MYOZ2: variants seen among roughly 807,000 people sequenced by gnomAD.
The protein encoded by MYOZ2 is myozenin 2, also known as myozenin-2.
MYOZ2 carries 19 observed loss-of-function variants against 25.4 expected under a neutral mutation model. The ratio of observed to expected loss-of-function variants is 0.75; its 90% CI spans 0.52 to 1.10. The LOEUF (loss-of-function observed/expected upper bound fraction) is 1.10. Ranked by LOEUF, MYOZ2 falls within the 50% of genes least tolerant of loss-of-function variation. The pLI is 0.00. For synonymous variants in MYOZ2, 92 were observed against 106.9 expected (o/e 0.86, Z 0.86); for missense variants, 270 against 317.9 (o/e 0.85, Z 1.15).
intron 3 of MYOZ2, among the ~76,000 whole-genome samples, chr4:119,157,291 T>G (rs1313464543): frequency 1.3e-5 from 2 of 152,194 alleles, no homozygotes; most frequent in Non-Finnish European, 2.9e-5. Flanking sequence ...GCTATACTTT[T>G]GAGGACATAA....
intron 4 of MYOZ2, among the ~76,000 whole-genome samples, chr4:119,162,773 T>C (rs557978873): frequency 6.6e-6 from 1 of 152,278 alleles, no homozygotes; most frequent in African/African-American, 2.4e-5. Flanking sequence ...CACTTTGTGA[T>C]TTGTTGTGGG....
chr4:119,184,017 G>C (rs749470355), intron 5 of MYOZ2, among the ~76,000 whole-genome samples: 3 of 152,028 alleles, frequency 2.0e-5, no homozygotes, highest in Non-Finnish European at 1.5e-5. Context: ...GTTTCTCCAT[G>C]TTGGTCAGGC....
chr4:119,152,418 C>T (rs1333287820), intron 3 of MYOZ2, among the ~76,000 whole-genome samples: 2 of 152,054 alleles, frequency 1.3e-5, no homozygotes, highest in Non-Finnish European at 2.9e-5. Context: ...AAGTCATCTA[C>T]AAGTTTAGAC....
In MYOZ2 at chr4:119,150,963, G is replaced by A. The variant is rs1578729994; in HGVS notation, c.168G>A (p.Arg56=). 1.2e-6 allele frequency: 2 copies of A among 1,613,522 alleles called. No homozygotes were observed. The highest frequency in any genetic ancestry group is 1.3e-5 in the African/African-American group (1 of 74,866). The change falls in exon 3 of 6, where the codon AGG becomes AGA. Residue 56 remains arginine, a synonymous_variant. Transcript: ENST00000307128. ...ELSHLSNRGA[R]LFKMRQRRSD... ...CCCATCTCAGTAACCGTGGTGCCAG[G>A]CTATTTAAGATGCGTCAAAGAAGAT...
At chr4:119,160,253 A>G (rs1741675658) in intron 4 of MYOZ2, among the ~76,000 whole-genome samples, 1 of 152,130 alleles carries the variant, frequency 6.6e-6, no homozygotes. Context: ...CTTCTTATGC[A>G]ATAGAATACA....
At chr4:119,165,701 T>TC in intron 5 of MYOZ2, among the ~76,000 whole-genome samples, 1 of 151,862 alleles carries the variant, frequency 6.6e-6, no homozygotes, top group East Asian at 1.9e-4. Context: ...AATTTTTTTT[T>TC]CAAAATGAGA....
chr4:119,140,113 T>G (rs1429373149), intron 2 of MYOZ2, among the ~76,000 whole-genome samples: 3 of 152,192 alleles, frequency 2.0e-5, no homozygotes, highest in African/African-American at 7.2e-5. Flanking sequence ...ATACATCTAA[T>G]TATAAAATTC....
In MYOZ2 at chr4:119,154,999, G is replaced by C. The variant is rs539721787; in HGVS notation, c.247-3023G>C. 3.5e-4 allele frequency among the ~76,000 whole-genome samples: 53 copies of C among 152,110 alleles called. 1 individual carries two copies. The highest frequency in any genetic ancestry group is 1.3e-3 in the African/African-American group (52 of 41,508). ...CATGGTTCTGTGAGCTGTACAAGAA[G>C]CATGGCATCAGCACCTGCTTCTGGT... is the stretch of plus-strand genomic sequence containing the variant. On this transcript the variant is annotated intron_variant, in intron 3 of 5. Transcript: ENST00000307128.
At chr4:119,157,493 A>G (rs964420225) in intron 3 of MYOZ2, among the ~76,000 whole-genome samples, 4 of 152,198 alleles carry the variant, frequency 2.6e-5, no homozygotes, top group Non-Finnish European at 4.4e-5. Flanking sequence ...AACTTAAAAT[A>G]TAAATGATTT....
At chr4:119,163,883 T>A (rs1315299371) in intron 4 of MYOZ2, among the ~76,000 whole-genome samples, 1 of 152,152 alleles carries the variant, frequency 6.6e-6, no homozygotes, top group Admixed American at 6.5e-5. Context: ...TAAAGTCTAG[T>A]GTGAATTAAT....
chr4:119,158,151 G>C lies in MYOZ2; in HGVS notation c.376G>C (p.Gly126Arg). ...TCCAAATCCAGACAACATTGCTCCA[G>C]GTAACCAATCCCCTTACCAACAGAG... ...SPPNPDNIAPGYSGPLKEIPP... is the reference protein window; with the variant it reads ...SPPNPDNIAPRYSGPLKEIPP... The change falls in exon 4 of 6, where the codon GGA becomes CGA. Residue 126 changes from glycine (G) to arginine (R), a missense_variant and splice_region_variant. By Grantham distance (125) the Gly-to-Arg change is moderately radical. Coordinates refer to ENST00000307128, the MANE Select transcript of MYOZ2 (RefSeq NM_016599.5). 6.2e-7 allele frequency: 1 copy of C among 1,613,960 alleles called. No homozygotes were observed. The highest frequency in any genetic ancestry group is 1.1e-5 in the South Asian group (1 of 91,084).
intron 5 of MYOZ2, among the ~76,000 whole-genome samples, chr4:119,165,924 A>C (rs1741815197): frequency 6.6e-6 from 1 of 152,132 alleles, no homozygotes; most frequent in Non-Finnish European, 1.5e-5. Flanking sequence ...ATGCCTATTG[A>C]CTGTATAAAT....
At chr4:119,179,311 T>G (rs1279077877) in intron 5 of MYOZ2, among the ~76,000 whole-genome samples, 1 of 152,204 alleles carries the variant, frequency 6.6e-6, no homozygotes, top group Non-Finnish European at 1.5e-5. Context: ...CCTGAAATGC[T>G]TTCCTCAGAT....
At chr4:119,158,739 G>A (rs1741641431) in intron 4 of MYOZ2, among the ~76,000 whole-genome samples, 1 of 152,102 alleles carries the variant, frequency 6.6e-6, no homozygotes, top group Non-Finnish European at 1.5e-5. Context: ...GTATAGGACT[G>A]TACAATTTAT....
chr4:119,165,623 T>C (rs183572129), intron 5 of MYOZ2, among the ~76,000 whole-genome samples: 16 of 152,246 alleles, frequency 1.1e-4, no homozygotes, highest in African/African-American at 3.4e-4. Context: ...AGGTGTACCA[T>C]AGAATTTAAA....
Position 119,180,705 on chromosome 4 carries a change from C to T in MYOZ2, c.561-5261C>T, listed in dbSNP as rs1281694421. On this transcript the variant is annotated intron_variant, in intron 5 of 5. Transcript: ENST00000307128. ...AGTAGCTGGGATTACAGGCGCCTGT[C>T]TCCACACCCAGCTAATTTTTGTATT... 3.3e-5 allele frequency among the ~76,000 whole-genome samples: 5 copies of T among 152,194 alleles called. No individual in the cohort carries two copies. In the East Asian group the frequency reaches 5.8e-4, roughly 18 times the overall value.
chr4:119,153,509 T>A (rs1330092044), intron 3 of MYOZ2, among the ~76,000 whole-genome samples: 1 of 152,136 alleles, frequency 6.6e-6, no homozygotes, highest in Non-Finnish European at 1.5e-5. Context: ...GATCCTTATA[T>A]GATTTTTATA....
chr4:119,150,821 AT>A, intron 2 of MYOZ2, 50 bp from the exon 3 acceptor site: 3 of 1,548,390 alleles, frequency 1.9e-6, no homozygotes, highest in Middle Eastern at 1.7e-4. Flanking sequence ...TTATAAAAGC[AT>A]TAAAAATGCT....
At chr4:119,159,555 G>A (rs1741660907) in intron 4 of MYOZ2, among the ~76,000 whole-genome samples, 1 of 152,076 alleles carries the variant, frequency 6.6e-6, no homozygotes, top group African/African-American at 2.4e-5. Context: ...AACCTATAGT[G>A]TCTTTGAAAA....
Sources: allele counts gnomAD v4.1 joint callset (sites outside exome capture counted in the v4.1 genomes callset), GRCh38; gene constraint gnomAD v4.1.1; transcripts MANE v1.5; gene names NCBI Gene and HGNC (gene_info 2026-07-23, HGNC 2026-07-21).